PCDHA2: variants seen among roughly 807,000 people sequenced by gnomAD.
PCDHA2 encodes the protein protocadherin alpha 2, also known as protocadherin alpha-2.
In PCDHA2, 58 loss-of-function variants were observed where a neutral mutation model predicts 66.0. The ratio of observed to expected loss-of-function variants is 0.88; its 90% CI spans 0.71 to 1.09. The LOEUF (loss-of-function observed/expected upper bound fraction) is 1.09. Ranked by LOEUF, PCDHA2 falls within the 50% of genes least tolerant of loss-of-function variation. The pLI, the probability that PCDHA2 is intolerant of heterozygous loss-of-function variation, is 0.00. For missense variants in PCDHA2, 1,267 were observed against 1,242.3 expected (o/e 1.02, Z -0.30); for synonymous variants, 634 against 554.0 (o/e 1.14, Z -2.03).
chr5:140,867,485 T>C (rs1329188157), intron 1 of PCDHA2: 1 of 152,044 alleles, frequency 6.6e-6, no homozygotes, highest in Non-Finnish European at 1.5e-5. Context: ...AAAGAGTAAA[T>C]ATGAAAAAAG....
intron 1 of PCDHA2, chr5:140,808,273 C>G: frequency 6.2e-7 from 1 of 1,614,232 alleles, no homozygotes; most frequent in Non-Finnish European, 8.5e-7. Flanking sequence ...TTAGAGAGGA[C>G]GCTCCACTGG....
At chr5:140,958,290 T>C (rs1554223401) in intron 1 of PCDHA2, among the ~76,000 whole-genome samples, 1 of 152,154 alleles carries the variant, frequency 6.6e-6, no homozygotes, top group Non-Finnish European at 1.5e-5. Context: ...TTAAATATTA[T>C]TGAACTTAAT....
Position 140,926,923 on chromosome 5 carries a change from T to C in PCDHA2, c.2389-52026T>C, listed in dbSNP as rs532425369. On this transcript the variant is annotated intron_variant, in intron 1 of 3. Transcript: ENST00000526136. ...GGGCTGTGGGGTGGCAGTTTTATGT[T>C]TGTGGGTTTCCTGCGGCGCTGCAGC... 35 of 1,571,554 alleles carry C rather than the reference T, an allele frequency of 2.2e-5. No homozygotes were observed. The East Asian group carries it at 6.5e-4, about 29-fold the overall frequency.
At chr5:140,986,398 G>C (rs973049448) in intron 3 of PCDHA2, among the ~76,000 whole-genome samples, 1 of 152,174 alleles carries the variant, frequency 6.6e-6, no homozygotes, top group Non-Finnish European at 1.5e-5. Context: ...AGGGCCAGTC[G>C]CTCATGTTAC....
chr5:140,883,555 C>T, intron 1 of PCDHA2: 3 of 1,614,168 alleles, frequency 1.9e-6, no homozygotes, highest in Non-Finnish European at 2.5e-6. Context: ...CCGCGCGGGA[C>T]GGGGGCTCGC....
intron 1 of PCDHA2, chr5:140,848,977 A>T (rs2150427682): frequency 1.2e-6 from 2 of 1,600,464 alleles, no homozygotes; most frequent in South Asian, 1.1e-5. Flanking sequence ...TCCGATGCAG[A>T]TATCGGGGAG....
At chr5:140,896,148 G>A (rs1185038418) in intron 1 of PCDHA2, among the ~76,000 whole-genome samples, 1 of 152,162 alleles carries the variant, frequency 6.6e-6, no homozygotes, top group Non-Finnish European at 1.5e-5. Flanking sequence ...CACCATTGAT[G>A]GGCATTTAGG....
At chr5:140,801,978 G>A in intron 1 of PCDHA2, 1 of 1,614,188 alleles carries the variant, frequency 6.2e-7, no homozygotes, top group South Asian at 1.1e-5. Flanking sequence ...TGGTACCCTA[G>A]TGGTGACCGT....
intron 1 of PCDHA2, chr5:140,841,097 A>T (rs1777008078): frequency 3.5e-6 from 2 of 570,202 alleles, no homozygotes; most frequent in Non-Finnish European, 6.1e-6. Context: ...GAACCCAGAT[A>T]TTGCGGAAGT....
At chr5:140,876,625 G>A (rs2056468121) in intron 1 of PCDHA2, 1 of 1,614,192 alleles carries the variant, frequency 6.2e-7, no homozygotes. Context: ...CAATGGACAG[G>A]TCATCTGCTC....
At chr5:140,803,544 CG>C (rs781847038) in intron 1 of PCDHA2, 10 of 1,614,160 alleles carry the variant, frequency 6.2e-6, no homozygotes, top group Non-Finnish European at 8.5e-6. Flanking sequence ...TCCAATTAGC[CG>C]GGATAGAGAG....
intron 1 of PCDHA2, chr5:140,866,368 T>C (rs1172516799): frequency 6.6e-6 from 1 of 152,138 alleles, no homozygotes; most frequent in Non-Finnish European, 1.5e-5. Flanking sequence ...TATTGCATAC[T>C]TCAATAACAA....
intron 1 of PCDHA2, chr5:140,813,268 ACATTCTGAGAATTGTAT>A (rs1765258439): frequency 6.6e-6 from 1 of 152,222 alleles, no homozygotes; most frequent in Non-Finnish European, 1.5e-5. Flanking sequence ...CATTGGAGAT[ACATTCTGAGAATTGTAT>A]CATTCTGAGA....
chr5:140,799,725 C>T, intron 1 of PCDHA2, among the ~76,000 whole-genome samples: 1 of 152,058 alleles, frequency 6.6e-6, no homozygotes. Flanking sequence ...GCAGTCCTGG[C>T]TTCCATTTCA....
chr5:140,822,465 T>C (rs2150116566), intron 1 of PCDHA2: 21 of 1,613,564 alleles, frequency 1.3e-5, no homozygotes, highest in Non-Finnish European at 1.5e-5. Flanking sequence ...TGTTGATCAA[T>C]GTATTGGATG....
chr5:140,829,381 G>T lies in PCDHA2; in HGVS notation c.2388+32029G>T. On this transcript the variant is annotated intron_variant, in intron 1 of 3. Coordinates refer to ENST00000526136, the MANE Select transcript of PCDHA2 (RefSeq NM_018905.3). ...AGTTGGTGGTAACCGCGCGGGACGG[G>T]GGCTCGCCTTCGCTGTGGGCCACCG... The T allele has an allele frequency of 1.9e-6, 3 of 1,614,200 alleles. No individual in the cohort carries two copies. In the South Asian group the frequency reaches 3.3e-5, roughly 18 times the overall value.
intron 2 of PCDHA2, among the ~76,000 whole-genome samples, chr5:140,981,053 A>T (rs1422870263): frequency 6.6e-6 from 1 of 152,206 alleles, no homozygotes; most frequent in Non-Finnish European, 1.5e-5. Flanking sequence ...AGATAATTCT[A>T]GAGTGTAGAC....
chr5:140,795,996 T>A lies in PCDHA2; in HGVS notation c.1032T>A (p.Asn344Lys), dbSNP rs1436455435. 5 of 1,614,032 alleles carry A rather than the reference T, an allele frequency of 3.1e-6. No individual in the cohort carries two copies. Among genetic ancestry groups the A allele is most frequent in the Non-Finnish European group, 4.2e-6 (5 of 1,180,024 alleles). ...CKISLKLVDI[N>K]DNTPEVSITS... ...TTTCATTAAAACTTGTGGACATCAA[T>A]GATAACACACCAGAAGTCTCAATAA... The change falls in exon 1 of 4, where the codon AAT becomes AAA. Residue 344 changes from asparagine (N) to lysine (K), a missense_variant. Coordinates refer to ENST00000526136, the MANE Select transcript of PCDHA2 (RefSeq NM_018905.3).
rs782395968 is a variant in PCDHA2, at chr5:141,011,916, A to G, written c.*1979A>G. ...TATTATCTATTTAGGCATTAATATA[A>G]AAGAGGTAGGAGTCTGTTATTTAAA... On this transcript the variant is annotated 3_prime_UTR_variant, in exon 4 of 4. Coordinates refer to ENST00000526136, the MANE Select transcript of PCDHA2 (RefSeq NM_018905.3). 4 of 153,828 alleles carry G rather than the reference A, an allele frequency of 2.6e-5. No individual in the cohort carries two copies. The highest frequency in any genetic ancestry group is 4.4e-5 in the Non-Finnish European group (3 of 68,030). 9.5% of individuals were successfully genotyped at this position (153,828 alleles called of 1,614,324 possible). A position where few individuals can be genotyped will look rare whatever the true frequency, so the allele number is the denominator to read the frequency against.
Sources: allele counts gnomAD v4.1 joint callset (sites outside exome capture counted in the v4.1 genomes callset), GRCh38; gene constraint gnomAD v4.1.1; transcripts MANE v1.5; gene names NCBI Gene and HGNC (gene_info 2026-07-23, HGNC 2026-07-21).